Variants in RAPGEF2 observed in about 807,000 individuals in gnomAD.
RAPGEF2 encodes the protein PDZ domain containing guanine nucleotide exchange factor (GEF) 1.
RAPGEF2 carries 54 observed loss-of-function variants against 186.7 expected under a neutral mutation model. The observed-to-expected ratio is 0.29, with a 90% confidence interval of 0.23 to 0.36. The LOEUF (loss-of-function observed/expected upper bound fraction) is 0.36, where lower values mean the gene tolerates loss of function less well. Among genes scored for constraint, RAPGEF2 ranks in the 10% least tolerant of loss-of-function variants. The pLI is 1.00. For missense variants in RAPGEF2, 1,532 were observed against 2,045.0 expected (o/e 0.75, Z 4.84); for synonymous variants, 712 against 705.9 (o/e 1.01, Z -0.14).
intron 3 of RAPGEF2, among the ~76,000 whole-genome samples, chr4:159,204,091 A>G (rs1332299900): frequency 3.9e-5 from 6 of 152,244 alleles, no homozygotes; most frequent in Non-Finnish European, 5.9e-5. Flanking sequence ...ACCTGAGCAA[A>G]TGATCACTGA....
chr4:159,292,198 C>T (rs1464859410), intron 7 of RAPGEF2, among the ~76,000 whole-genome samples: 1 of 152,146 alleles, frequency 6.6e-6, no homozygotes, highest in Non-Finnish European at 1.5e-5. Context: ...CCATAGCTCC[C>T]CACGTGATTT....
intron 1 of RAPGEF2, among the ~76,000 whole-genome samples, chr4:159,162,496 A>T (rs1490887381): frequency 1.3e-5 from 2 of 152,138 alleles, no homozygotes; most frequent in African/African-American, 4.8e-5. Flanking sequence ...GCATATTCGT[A>T]AATCTTTACA....
At chr4:159,306,964 A>C (rs745846665) in intron 8 of RAPGEF2, among the ~76,000 whole-genome samples, 1 of 152,206 alleles carries the variant, frequency 6.6e-6, no homozygotes, top group African/African-American at 2.4e-5. Context: ...AAATAAAATA[A>C]TTCTAATTGT....
intron 26 of RAPGEF2, chr4:159,350,912 C>T (rs1731080924): frequency 2.0e-6 from 2 of 978,600 alleles, no homozygotes; most frequent in Non-Finnish European, 2.9e-6. Context: ...GCCAAAAGGG[C>T]TTAATACATT....
chr4:159,230,462 G>A (rs1752512651), intron 4 of RAPGEF2, among the ~76,000 whole-genome samples: 1 of 152,150 alleles, frequency 6.6e-6, no homozygotes, highest in African/African-American at 2.4e-5. Context: ...ATTCAAAGTA[G>A]AAAAGGTAAG....
In RAPGEF2 at chr4:159,145,122, C is replaced by T. The variant is rs542929129; in HGVS notation, c.69+40891C>T. Reference sequence around the variant, plus strand: ...TCTCGAACTCCTAGGCTCAAGTGATCTGCCCGCCTCAGCTTCCCAAAATGC... The same window carrying T: ...TCTCGAACTCCTAGGCTCAAGTGATTTGCCCGCCTCAGCTTCCCAAAATGC... On this transcript the variant is annotated intron_variant, in intron 1 of 29. Transcript: ENST00000691494. Among the ~76,000 whole-genome samples, 315 of 152,070 alleles carry T rather than the reference C, an allele frequency of 2.1e-3. 3 individuals are homozygous for T. Among genetic ancestry groups the T allele is most frequent in the Non-Finnish European group, 2.6e-3 (178 of 67,970 alleles).
Position 159,332,635 on chromosome 4 carries a change from G to C in RAPGEF2, c.2073G>C (p.Arg691Ser), listed in dbSNP as rs149086317. 6.2e-7 allele frequency: 1 copy of C among 1,614,022 alleles called. No homozygotes were observed. The highest frequency in any genetic ancestry group is 2.2e-5 in the East Asian group (1 of 44,862). Residue 691 changes from arginine (R) to serine (S), a missense_variant, in exon 17 of 30, where the codon AGG (arginine) becomes AGC (serine). By Grantham distance (110) the Arg-to-Ser change is moderately radical. Around this residue, in one of 4 missense-constraint regions of RAPGEF2, gnomAD observed 810 missense variants for 1,210.5 expected, o/e 0.67. Transcript: ENST00000691494. Reference sequence around the variant, plus strand: ...GTAAAGCCAACACTGTGGGAGGAAGGAACAAGCTGAAAAAGATACTCGACA... The same window carrying C: ...GTAAAGCCAACACTGTGGGAGGAAGCAACAAGCTGAAAAAGATACTCGACA... The part of the protein sequence containing the change: ...KKSKANTVGG[R>S]NKLKKILDKT...
intron 6 of RAPGEF2, 112 bp from the exon 7 acceptor site, chr4:159,243,662 C>A: frequency 1.4e-6 from 1 of 706,254 alleles, no homozygotes; most frequent in Non-Finnish European, 2.2e-6. Flanking sequence ...TATGATCATT[C>A]TTAACTTAAT....
intron 19 of RAPGEF2, among the ~76,000 whole-genome samples, chr4:159,340,980 G>T (rs1025531797): frequency 6.6e-6 from 1 of 151,240 alleles, no homozygotes; most frequent in African/African-American, 2.5e-5. Flanking sequence ...CCACTTACCT[G>T]TAGAGTTTTT....
chr4:159,123,716 C>T (rs1739973088), intron 1 of RAPGEF2, among the ~76,000 whole-genome samples: 1 of 151,854 alleles, frequency 6.6e-6, no homozygotes, highest in Non-Finnish European at 1.5e-5. Flanking sequence ...GACAGGGTTT[C>T]ACCGTGTTAG....
intron 1 of RAPGEF2, among the ~76,000 whole-genome samples, chr4:159,112,586 C>CTG (rs1204178668): frequency 4.0e-5 from 6 of 151,870 alleles, no homozygotes; most frequent in Non-Finnish European, 4.4e-5. Context: ...TGAGCCCATA[C>CTG]TGATATAAGT....
intron 3 of RAPGEF2, among the ~76,000 whole-genome samples, chr4:159,207,215 T>TA (rs1169447095): frequency 1.3e-5 from 2 of 152,236 alleles, no homozygotes; most frequent in African/African-American, 4.8e-5. Context: ...GATTACCACT[T>TA]ACCTTCACAT....
chr4:159,137,807 A>T (rs1741889279), intron 1 of RAPGEF2, among the ~76,000 whole-genome samples: 1 of 152,298 alleles, frequency 6.6e-6, no homozygotes, highest in South Asian at 2.1e-4. Flanking sequence ...AAAATTAAAA[A>T]TACATGCAAC....
chr4:159,180,381 A>G (rs1308454699), intron 1 of RAPGEF2, among the ~76,000 whole-genome samples: 1 of 152,110 alleles, frequency 6.6e-6, no homozygotes, highest in Non-Finnish European at 1.5e-5. Flanking sequence ...TCAAGTTCAT[A>G]TTACGTAGTG....
intron 1 of RAPGEF2, among the ~76,000 whole-genome samples, chr4:159,174,595 A>G (rs1023336400): frequency 3.3e-5 from 5 of 152,224 alleles, no homozygotes; most frequent in African/African-American, 1.2e-4. Flanking sequence ...TCAGTCTAAA[A>G]AAGCATGCCT....
intron 7 of RAPGEF2, among the ~76,000 whole-genome samples, chr4:159,284,655 G>C (rs1215301027): frequency 6.6e-6 from 1 of 151,812 alleles, no homozygotes; most frequent in Non-Finnish European, 1.5e-5. Flanking sequence ...CTTCATTTTT[G>C]GTTCAGTTCA....
At chr4:159,265,187 C>T (rs952459442) in intron 7 of RAPGEF2, among the ~76,000 whole-genome samples, 7 of 152,264 alleles carry the variant, frequency 4.6e-5, no homozygotes, top group African/African-American at 1.7e-4. Context: ...TGAGTGCCTA[C>T]AGTGCTTGGT....
At chr4:159,307,965 C>T (rs1305362636) in intron 8 of RAPGEF2, among the ~76,000 whole-genome samples, 4 of 152,044 alleles carry the variant, frequency 2.6e-5, no homozygotes, top group Admixed American at 6.5e-5. Context: ...AGCAAGACTC[C>T]GTCTCAAAAA....
chr4:159,121,796 C>T (rs1165730802), intron 1 of RAPGEF2, among the ~76,000 whole-genome samples: 6 of 149,814 alleles, frequency 4.0e-5, no homozygotes, highest in Admixed American at 4.0e-4. Flanking sequence ...TTTGGGAGGC[C>T]GAGGCGGGCG....
Sources: gnomAD v4.1 joint callset for allele counts (sites outside exome capture counted in the v4.1 genomes callset) on GRCh38, gnomAD v4.1.1 for gene constraint, gnomAD v4.1.1 regional missense constraint, MANE v1.5 for transcripts, NCBI Gene and HGNC (gene_info 2026-07-23, HGNC 2026-07-21) for gene names.